NFASC: variants seen among roughly 807,000 people sequenced by gnomAD.
The protein encoded by NFASC is neurofascin homolog.
Under a neutral mutation model 147.5 loss-of-function variants are expected in NFASC, and 43 were observed. The ratio of observed to expected loss-of-function variants is 0.29; its 90% CI spans 0.23 to 0.38. The LOEUF (loss-of-function observed/expected upper bound fraction) is 0.38. NFASC is among the 10% of genes least tolerant of loss of function. The probability of loss-of-function intolerance (pLI) is 1.00; values close to 1 mark genes in which losing one functional copy is unlikely to be tolerated. For missense variants in NFASC, 1,320 were observed against 1,689.0 expected (o/e 0.78, Z 3.83); for synonymous variants, 622 against 665.5 (o/e 0.93, Z 1.01).
chr1:204,906,054 T>C (rs2085772679), intron 1 of NFASC, among the ~76,000 whole-genome samples: 1 of 152,232 alleles, frequency 6.6e-6, no homozygotes, highest in Admixed American at 6.5e-5. Context: ...CCTAGATGTC[T>C]GTTGGATTGT....
At chr1:204,855,123 T>C (rs1173748431) in intron 1 of NFASC, among the ~76,000 whole-genome samples, 1 of 152,244 alleles carries the variant, frequency 6.6e-6, no homozygotes, top group African/African-American at 2.4e-5. Context: ...CTGCTGTCAG[T>C]CCACCTGACT....
intron 2 of NFASC, among the ~76,000 whole-genome samples, chr1:204,929,169 CT>C (rs1174379022): frequency 6.6e-6 from 1 of 152,134 alleles, no homozygotes; most frequent in Non-Finnish European, 1.5e-5. Flanking sequence ...CCCCATCCCC[CT>C]GACCCATGTG....
At chr1:204,891,474 T>A (rs1471002017) in intron 1 of NFASC, among the ~76,000 whole-genome samples, 1 of 152,070 alleles carries the variant, frequency 6.6e-6, no homozygotes, top group Non-Finnish European at 1.5e-5. Flanking sequence ...TCACCCCTCA[T>A]TGTCAATAAG....
chr1:204,997,080 C>T (rs1020322543), intron 24 of NFASC, 90 bp from the exon 25 acceptor site: 118 of 1,543,454 alleles, frequency 7.6e-5, no homozygotes, highest in Non-Finnish European at 8.8e-5. Flanking sequence ...GTCTCCTCAC[C>T]GGGCTGCCTG....
chr1:204,954,690 C>A lies in NFASC; in HGVS notation c.413-139C>A. On this transcript the variant is annotated intron_variant, in intron 6 of 29. Coordinates refer to ENST00000339876, the MANE Select transcript of NFASC (RefSeq NM_001005388.3). The surrounding 1 kb of genome is among the most constrained non-coding windows in gnomAD (Gnocchi z 5.7). ...GCGGCCCCTTGAGTAGGCTCACGTGCCCCGTCCCTCTCTCTTGCTCCCTCC... is the reference window on the plus strand; with the variant it reads ...GCGGCCCCTTGAGTAGGCTCACGTGACCCGTCCCTCTCTCTTGCTCCCTCC... The A allele has an allele frequency of 9.6e-7, 1 of 1,045,010 alleles. No individual in the cohort carries two copies. Among genetic ancestry groups the A allele is most frequent in the Non-Finnish European group, 1.4e-6 (1 of 707,218 alleles). 64.7% of individuals were successfully genotyped at this position (1,045,010 alleles called of 1,614,324 possible). A position where few individuals can be genotyped will look rare whatever the true frequency, so the allele number is the denominator to read the frequency against.
chr1:204,957,959 G>T (rs1485137172), intron 8 of NFASC, 133 bp downstream of exon 8: 2 of 769,726 alleles, frequency 2.6e-6, no homozygotes, highest in Non-Finnish European at 4.3e-6. Context: ...CCAGCTCATG[G>T]TGCCTGAGCC....
rs10671660 is a variant in NFASC, at chr1:204,830,657, TAG to T, written c.-200+1895_-200+1896del. On this transcript the variant is annotated intron_variant, in intron 1 of 29. Transcript: ENST00000339876. ...GTGTGTGTGTTGTGTGATGTGTGTA[TAG>T]AGAGAGAGAGAGAGAGAGAATTATG... is the stretch of plus-strand genomic sequence containing the variant. Among the ~76,000 whole-genome samples the T allele has an allele frequency of 3.5e-3, 510 of 146,558 alleles. 1 individual carries two copies. The highest frequency in any genetic ancestry group is 7.5e-3 in the African/African-American group (300 of 39,832).
chr1:204,849,646 G>A (rs907578889), intron 1 of NFASC, among the ~76,000 whole-genome samples: 3 of 152,160 alleles, frequency 2.0e-5, no homozygotes, highest in Non-Finnish European at 2.9e-5. Flanking sequence ...AATACTGTTT[G>A]GTTTCAGAGC....
intron 1 of NFASC, among the ~76,000 whole-genome samples, chr1:204,852,296 C>T (rs184342357): frequency 2.6e-5 from 4 of 152,238 alleles, no homozygotes; most frequent in African/African-American, 9.6e-5. Flanking sequence ...GTCAGGAGTT[C>T]AAGACCAGCC....
At chr1:204,984,331 ATG>A (rs10641235) in intron 21 of NFASC, 83 of 346,392 alleles carry the variant, frequency 2.4e-4, no homozygotes, top group African/African-American at 3.3e-4. Context: ...TTATATATAT[ATG>A]TGTGTGTGTG....
chr1:204,831,538 C>T (rs1232606060), intron 1 of NFASC, among the ~76,000 whole-genome samples: 2 of 151,828 alleles, frequency 1.3e-5, no homozygotes, highest in Non-Finnish European at 2.9e-5. Context: ...ACCTCTGGCT[C>T]CACTCTTCTC....
At chr1:205,013,614 G>A (rs1304292190) in intron 29 of NFASC, among the ~76,000 whole-genome samples, 5 of 152,184 alleles carry the variant, frequency 3.3e-5, no homozygotes, top group African/African-American at 1.2e-4. Context: ...ATGCATCTTT[G>A]TATGTGGGCT....
rs143870626 is a variant in NFASC at position 204,975,404 on chromosome 1, C to G, written c.1692C>G (p.Leu564=). The G allele has an allele frequency of 6.4e-5, 104 of 1,613,724 alleles. No homozygotes were observed. Among genetic ancestry groups the G allele is most frequent in the African/African-American group, 9.3e-5 (7 of 74,924 alleles). Reference sequence around the variant, plus strand: ...CCTGGCTGAAGGATGACGAGCCGCTCTATATTGGAAACAGGTTTCTCTTCC... The same window carrying G: ...CCTGGCTGAAGGATGACGAGCCGCTGTATATTGGAAACAGGTTTCTCTTCC... ...TVSWLKDDEP[L]YIGNRMKKED... Residue 564 remains leucine (L), a synonymous_variant, in exon 15 of 30, where the codon CTC becomes CTG. Transcript: ENST00000339876. This position sits in a 1 kb window ranked among gnomAD's most constrained non-coding sequence, Gnocchi z 4.0.
chr1:204,845,201 G>A (rs201325365), intron 1 of NFASC, among the ~76,000 whole-genome samples: 19 of 151,846 alleles, frequency 1.3e-4, no homozygotes, highest in African/African-American at 3.6e-4. Flanking sequence ...TTAAAGTGGC[G>A]GTGTATGTCC....
In NFASC at chr1:204,838,611, G is replaced by C. The variant is rs569283208; in HGVS notation, c.-200+9829G>C. On this transcript the variant is annotated intron_variant, in intron 1 of 29. Transcript: ENST00000339876. ...TCGGAGCCTGGAACGGGAAAGCGAT[G>C]TAGTGTTTATGGCCCTGAAAAGCTG... 7.2e-5 allele frequency among the ~76,000 whole-genome samples: 11 copies of C among 152,348 alleles called. No individual in the cohort carries two copies. The East Asian group carries it at 2.1e-3, about 29-fold the overall frequency.
At chr1:204,977,988 C>T (rs1170445848) in intron 17 of NFASC, among the ~76,000 whole-genome samples, 1 of 152,242 alleles carries the variant, frequency 6.6e-6, no homozygotes, top group Non-Finnish European at 1.5e-5. Context: ...ACACTCACCG[C>T]TCCCTCAGGG....
Position 205,016,187 on chromosome 1 carries a change from G to A in NFASC, c.3492-121G>A, listed in dbSNP as rs75122959. 1,462 of 718,460 alleles carry A rather than the reference G, an allele frequency of 2.0e-3. 18 individuals are homozygous for A. In the African/African-American group the frequency reaches 0.022, roughly 11 times the overall value. 44.5% of individuals were successfully genotyped at this position (718,460 alleles called of 1,614,324 possible). A position where few individuals can be genotyped will look rare whatever the true frequency, so the allele number is the denominator to read the frequency against. On this transcript the variant is annotated intron_variant, in intron 29 of 29. Coordinates refer to ENST00000339876, the MANE Select transcript of NFASC (RefSeq NM_001005388.3). The surrounding 1 kb of genome is among the most constrained non-coding windows in gnomAD (Gnocchi z 5.1). ...CAGGCTGGACAGGGGAGGGTGAAGCGGGGGCTGGACTGGGCGGTCTCCTGG... is the reference window on the plus strand; with the variant it reads ...CAGGCTGGACAGGGGAGGGTGAAGCAGGGGCTGGACTGGGCGGTCTCCTGG...
chr1:204,987,538 C>T lies in NFASC; in HGVS notation c.2591C>T (p.Ala864Val), dbSNP rs2095641286. The change falls in exon 22 of 30, where the codon GCC becomes GTC. Residue 864 changes from alanine (A) to valine (V), a missense_variant and splice_region_variant. This residue lies in a region of NFASC where 981 missense variants were observed against 1,289.5 expected (regional missense o/e 0.76). Coordinates refer to ENST00000339876, the MANE Select transcript of NFASC (RefSeq NM_001005388.3). The surrounding 1 kb of genome is among the most constrained non-coding windows in gnomAD (Gnocchi z 4.4). ...IMIGYTLKYVAFNGTKVGKQI... is the reference protein window; with the variant it reads ...IMIGYTLKYVVFNGTKVGKQI... ...ATTGGATACACTCTCAAATATGTGG[C>T]CTGTACGTTCTGCCCTTCCCTTTCT... 1 of 1,614,102 alleles carries T rather than the reference C, an allele frequency of 6.2e-7. No individual in the cohort carries two copies. The highest frequency in any genetic ancestry group is 1.3e-5 in the African/African-American group (1 of 75,038).
intron 1 of NFASC, among the ~76,000 whole-genome samples, chr1:204,875,735 T>TA (rs2078649840): frequency 6.6e-6 from 1 of 152,132 alleles, no homozygotes; most frequent in South Asian, 2.1e-4. Context: ...AGTGACATGG[T>TA]AATGGCCCTA....
Sources: gnomAD v4.1 joint callset for allele counts (sites outside exome capture counted in the v4.1 genomes callset) on GRCh38, gnomAD v4.1.1 for gene constraint, gnomAD v4.1.1 regional missense constraint, Gnocchi (gnomAD v3.1) non-coding constraint, MANE v1.5 for transcripts, NCBI Gene and HGNC (gene_info 2026-07-23, HGNC 2026-07-21) for gene names.